Variants in FOCAD observed in about 807,000 individuals in gnomAD.
FOCAD encodes the protein KIAA1797.
In FOCAD, 198 loss-of-function variants were observed where a neutral mutation model predicts 225.6. The ratio of observed to expected loss-of-function variants is 0.88; its 90% confidence interval spans 0.78 to 0.99. The LOEUF (loss-of-function observed/expected upper bound fraction) is 0.99, where lower values mean the gene tolerates loss of function less well. Among genes scored for constraint, FOCAD ranks in the 50% least tolerant of loss-of-function variants. The pLI is 0.00. For missense variants in FOCAD, 2,713 were observed against 2,123.6 expected (o/e 1.28, Z -5.46); for synonymous variants, 897 against 755.0 (o/e 1.19, Z -3.08).
chr9:20,964,455 C>G (rs1259749234), intron 35 of FOCAD, among the ~76,000 whole-genome samples: 1 of 152,084 alleles, frequency 6.6e-6, no homozygotes, highest in Admixed American at 6.6e-5. Context: ...CTTGAACTCC[C>G]AGTATTACAT....
chr9:20,789,434 C>G lies in FOCAD; in HGVS notation c.1281C>G (p.Asp427Glu), dbSNP rs568732171. 9 of 1,613,976 alleles carry G rather than the reference C, an allele frequency of 5.6e-6. No homozygotes were observed. In the East Asian group the frequency reaches 2.0e-4, roughly 36 times the overall value. ...GGAGGATTCTTGAAGTAATGACAGA[C>G]TCGTCTGCTGCAAGTGACTGGTTGG... ...TAWRILEVMT[D>E]SSAASDWLAS... The change falls in exon 11 of 44, where the codon GAC becomes GAG. Residue 427 changes from aspartate to glutamate, a missense_variant. By Grantham distance (45) the Asp-to-Glu change is conservative (BLOSUM62 2). Transcript: ENST00000338382.
upstream of FOCAD, among the ~76,000 whole-genome samples, chr9:20,656,391 A>G (rs561174088): frequency 4.6e-5 from 7 of 152,110 alleles, no homozygotes; most frequent in East Asian, 1.4e-3. Flanking sequence ...AAAGTCTCCC[A>G]TTATTATTGT....
intron 15 of FOCAD, among the ~76,000 whole-genome samples, chr9:20,850,074 G>C (rs1204872427): frequency 6.6e-6 from 1 of 151,252 alleles, no homozygotes; most frequent in Non-Finnish European, 1.5e-5. Context: ...TTGATTAATT[G>C]TATATTAGCA....
At chr9:20,808,999 A>G (rs1822758669) in intron 11 of FOCAD, among the ~76,000 whole-genome samples, 1 of 152,212 alleles carries the variant, frequency 6.6e-6, no homozygotes, top group Non-Finnish European at 1.5e-5. Flanking sequence ...CCCCCAAAAA[A>G]TGTATACACA....
chr9:20,886,697 G>A (rs943927391), intron 21 of FOCAD, among the ~76,000 whole-genome samples: 3 of 152,088 alleles, frequency 2.0e-5, no homozygotes, highest in Non-Finnish European at 2.9e-5. Context: ...AAGGCGTATT[G>A]GACAGAATTC....
At position 20,896,241 on chromosome 9, in the gene FOCAD, A is replaced by G. The variant is rs530709072; in HGVS notation, c.2626-10909A>G. ...GTTGTGGTGTATAATTCTTTTTTACATTGTTAGATTTAATTTGCGTATATT... is the reference window on the plus strand; with the variant it reads ...GTTGTGGTGTATAATTCTTTTTTACGTTGTTAGATTTAATTTGCGTATATT... On this transcript the variant is annotated intron_variant, in intron 21 of 43. Transcript: ENST00000338382. Among the ~76,000 whole-genome samples, 12 of 151,918 alleles carry G rather than the reference A, an allele frequency of 7.9e-5. No individual in the cohort carries two copies. In the South Asian group the frequency reaches 2.3e-3, roughly 29 times the overall value.
chr9:20,768,543 A>T (rs1439940013), intron 7 of FOCAD, among the ~76,000 whole-genome samples: 2 of 151,786 alleles, frequency 1.3e-5, no homozygotes, highest in Admixed American at 6.6e-5. Context: ...GGTCCTTCAC[A>T]TCCCTTGTAA....
At chr9:20,762,824 C>T (rs781000152) in intron 6 of FOCAD, among the ~76,000 whole-genome samples, 26 of 151,966 alleles carry the variant, frequency 1.7e-4, no homozygotes, top group Non-Finnish European at 3.7e-4. Context: ...GCCCCTCCTT[C>T]CCACCCTCTG....
intron 1 of FOCAD, among the ~76,000 whole-genome samples, chr9:20,686,043 T>C (rs1156782073): frequency 6.6e-6 from 1 of 152,266 alleles, no homozygotes; most frequent in Non-Finnish European, 1.5e-5. Flanking sequence ...TATTCTTAGC[T>C]TCATGATACT....
chr9:20,869,512 A>G (rs1829582409), intron 18 of FOCAD, among the ~76,000 whole-genome samples: 2 of 152,312 alleles, frequency 1.3e-5, no homozygotes, highest in African/African-American at 4.8e-5. Flanking sequence ...TGGTAGAACA[A>G]AAAGAGTAAG....
chr9:20,962,246 A>G (rs1436095188), intron 35 of FOCAD, among the ~76,000 whole-genome samples: 2 of 152,128 alleles, frequency 1.3e-5, no homozygotes, highest in Non-Finnish European at 2.9e-5. Flanking sequence ...AATTATTTAT[A>G]CTTCTTTGTT....
intron 11 of FOCAD, among the ~76,000 whole-genome samples, chr9:20,794,442 C>T (rs1226084029): frequency 1.3e-5 from 2 of 152,114 alleles, no homozygotes; most frequent in African/African-American, 2.4e-5. Context: ...AAAGTGAAGA[C>T]ATTGAGGGTC....
At chr9:20,876,068 A>G (rs928486618) in intron 19 of FOCAD, among the ~76,000 whole-genome samples, 2 of 152,146 alleles carry the variant, frequency 1.3e-5, no homozygotes, top group East Asian at 1.9e-4. Context: ...AATATATACT[A>G]TTTATTTCTA....
intron 37 of FOCAD, among the ~76,000 whole-genome samples, chr9:20,979,658 C>T (rs1008281182): frequency 4.6e-5 from 7 of 151,980 alleles, no homozygotes; most frequent in African/African-American, 1.7e-4. Context: ...TTTTTTAAAC[C>T]TTTCCTACTC....
chr9:20,921,777 A>C (rs1834459074), intron 24 of FOCAD, among the ~76,000 whole-genome samples: 1 of 152,248 alleles, frequency 6.6e-6, no homozygotes, highest in South Asian at 2.1e-4. Context: ...AGACTAGTGA[A>C]GGATTTGAAA....
At chr9:20,897,555 G>T (rs1832199697) in intron 21 of FOCAD, among the ~76,000 whole-genome samples, 1 of 151,206 alleles carries the variant, frequency 6.6e-6, no homozygotes, top group African/African-American at 2.4e-5. Flanking sequence ...CTTTTTAAAT[G>T]ATTGCCACAC....
chr9:20,730,380 A>G (rs1586959728), intron 4 of FOCAD, among the ~76,000 whole-genome samples: 1 of 152,182 alleles, frequency 6.6e-6, no homozygotes, highest in African/African-American at 2.4e-5. Context: ...CAGGATATAT[A>G]TGTAATTCTT....
chr9:20,773,917 T>A (rs933122246), intron 8 of FOCAD, among the ~76,000 whole-genome samples: 1 of 152,158 alleles, frequency 6.6e-6, no homozygotes, highest in Non-Finnish European at 1.5e-5. Context: ...ATTGGTTCCT[T>A]GCTTGTTAGG....
At chr9:20,834,993 A>G (rs1313049248) in intron 15 of FOCAD, among the ~76,000 whole-genome samples, 2 of 152,098 alleles carry the variant, frequency 1.3e-5, no homozygotes, top group South Asian at 2.1e-4. Flanking sequence ...TACCTTTTTT[A>G]CTTTTCAGAT....
Sources: allele counts gnomAD v4.1 joint callset (sites outside exome capture counted in the v4.1 genomes callset), GRCh38; gene constraint gnomAD v4.1.1; transcripts MANE v1.5; gene names NCBI Gene and HGNC (gene_info 2026-07-23, HGNC 2026-07-21).